The following RFWD3 variants were observed in gnomAD, a reference collection of about 807,000 sequenced individuals.
The protein encoded by RFWD3 is E3 ubiquitin-protein ligase RFWD3.
Under a neutral mutation model 87.7 loss-of-function variants are expected in RFWD3, and 65 were observed. That is an observed-to-expected ratio of 0.74 (90% confidence interval 0.61 to 0.91). The LOEUF (loss-of-function observed/expected upper bound fraction) is 0.91, where lower values mean the gene tolerates loss of function less well. Ranked by LOEUF, RFWD3 falls within the 40% of genes least tolerant of loss-of-function variation. RFWD3 has a pLI of 0.00. For missense variants in RFWD3, 1,078 were observed against 938.5 expected (o/e 1.15, Z -1.94); for synonymous variants, 433 against 352.8 (o/e 1.23, Z -2.55).
At chr16:74,659,368 C>T (rs1961250045) in intron 2 of RFWD3, among the ~76,000 whole-genome samples, 1 of 152,140 alleles carries the variant, frequency 6.6e-6, no homozygotes, top group African/African-American at 2.4e-5. Flanking sequence ...CCATAAGGTG[C>T]CTTCACCTAT....
chr16:74,656,990 TTGGTTAGTTTA>T (rs1470574232), intron 2 of RFWD3, among the ~76,000 whole-genome samples: 1 of 152,208 alleles, frequency 6.6e-6, no homozygotes, highest in Non-Finnish European at 1.5e-5. Context: ...TTCCTTCTTA[TTGGTTAGTTTA>T]TTGCTTATCC....
At chr16:74,639,469 A>G (rs1210572350) in intron 6 of RFWD3, among the ~76,000 whole-genome samples, 1 of 152,206 alleles carries the variant, frequency 6.6e-6, no homozygotes, top group East Asian at 1.9e-4. Flanking sequence ...ACGTGACTGT[A>G]AAGTAAAAGG....
chr16:74,640,810 G>A lies in RFWD3; in HGVS notation c.1080-2840C>T, dbSNP rs571396395. On this transcript the variant is annotated intron_variant, in intron 6 of 12. Transcript: ENST00000361070. ...AAAAATTAGCCAGGCGTGGTGGCGGGTGCCTGTAGTCTCAGCTACTCGTAA... is the reference window on the plus strand; with the variant it reads ...AAAAATTAGCCAGGCGTGGTGGCGGATGCCTGTAGTCTCAGCTACTCGTAA... 1.3e-3 allele frequency among the ~76,000 whole-genome samples: 197 copies of A among 152,034 alleles called. 1 individual carries two copies. Among genetic ancestry groups the A allele is most frequent in the Admixed American group, 3.0e-3 (46 of 15,272 alleles).
chr16:74,624,471 C>T (rs1319468007), intron 12 of RFWD3, among the ~76,000 whole-genome samples: 3 of 152,250 alleles, frequency 2.0e-5, no homozygotes, highest in African/African-American at 7.2e-5. Flanking sequence ...TCTTGGCTTA[C>T]TGCAACATCT....
At chr16:74,649,287 T>C in intron 3 of RFWD3, 85 bp from the exon 4 acceptor site, 1 of 927,762 alleles carries the variant, frequency 1.1e-6, no homozygotes, top group Non-Finnish European at 1.6e-6. Context: ...GGAGAGAGCC[T>C]GACTCACTAC....
intron 11 of RFWD3, 94 bp from the exon 12 acceptor site, chr16:74,626,648 T>C (rs1298220685): frequency 7.6e-6 from 7 of 925,474 alleles, no homozygotes; most frequent in East Asian, 2.6e-5. Flanking sequence ...CCTAGTTGGA[T>C]GGAAAAGCCA....
chr16:74,626,547 AT>A lies in RFWD3; in HGVS notation c.1976del (p.Asn659IlefsTer9). The A allele has an allele frequency of 6.2e-7, 1 of 1,613,798 alleles. No individual in the cohort carries two copies. The highest frequency in any genetic ancestry group is 1.7e-5 in the Admixed American group (1 of 60,006). ...HCLVTYRPDK[N>X]HTTIRSVLME... Reference sequence around the variant, plus strand: ...TCAGCACACTTCGTATGGTGGTGTGATTTTTATCTATGGGACAGAGAAATCA... The same window carrying A: ...TCAGCACACTTCGTATGGTGGTGTGATTTTATCTATGGGACAGAGAAATCA... On this transcript the variant is annotated frameshift_variant, in exon 12 of 13. Transcript: ENST00000361070. LOFTEE classifies it high-confidence loss of function.
chr16:74,655,649 T>G (rs1436036857), intron 2 of RFWD3, among the ~76,000 whole-genome samples: 2 of 151,924 alleles, frequency 1.3e-5, no homozygotes, highest in Non-Finnish European at 2.9e-5. Flanking sequence ...AGATGGAGTC[T>G]CGCTCTGTCA....
chr16:74,648,643 G>A (rs2144240858), intron 4 of RFWD3, among the ~76,000 whole-genome samples: 1 of 151,840 alleles, frequency 6.6e-6, no homozygotes, highest in East Asian at 2.0e-4. Context: ...GGGGTGGCGT[G>A]TGCCTGTAGT....
chr16:74,648,813 T>C (rs749019766), intron 4 of RFWD3, among the ~76,000 whole-genome samples: 20 of 151,644 alleles, frequency 1.3e-4, no homozygotes, highest in Non-Finnish European at 2.6e-4. Flanking sequence ...AGGTTGGGCA[T>C]GGTGGCTCAT....
chr16:74,650,409 C>A (rs1333792731), intron 3 of RFWD3, among the ~76,000 whole-genome samples: 1 of 148,784 alleles, frequency 6.7e-6, no homozygotes, highest in Admixed American at 6.8e-5. Flanking sequence ...GTATACAGTA[C>A]TTCCTAAGTG....
intron 1 of RFWD3, among the ~76,000 whole-genome samples, chr16:74,661,821 G>C (rs1220102918): frequency 6.6e-6 from 1 of 152,118 alleles, no homozygotes; most frequent in African/African-American, 2.4e-5. Flanking sequence ...AAAATCAAAT[G>C]CATATAATGC....
Position 74,661,027 on chromosome 16 carries a change from A to T in RFWD3, c.423T>A (p.Ser141=). Residue 141 remains serine, a synonymous_variant, in exon 2 of 13, where the codon TCT becomes TCA. Transcript: ENST00000361070. ...TCATTGGCCCTACACTGTGGTTTGAAGATGAAGGTCTCAGGAATTCCAGCA... is the reference window on the plus strand; with the variant it reads ...TCATTGGCCCTACACTGTGGTTTGATGATGAAGGTCTCAGGAATTCCAGCA... ...HGMLEFLRPS[S]SNHSVGPMRT... 1.2e-6 allele frequency: 2 copies of T among 1,614,188 alleles called. No homozygotes were observed. Among genetic ancestry groups the T allele is most frequent in the Non-Finnish European group, 8.5e-7 (1 of 1,180,038 alleles).
intron 6 of RFWD3, among the ~76,000 whole-genome samples, chr16:74,642,931 C>G (rs1464104444): frequency 6.6e-6 from 1 of 152,214 alleles, no homozygotes; most frequent in African/African-American, 2.4e-5. Context: ...GGAGAGTATA[C>G]TAATTCCTTA....
At chr16:74,651,891 G>T (rs750180032) in intron 3 of RFWD3, 29 bp downstream of exon 3, 2 of 1,601,578 alleles carry the variant, frequency 1.2e-6, no homozygotes, top group Admixed American at 1.7e-5. Flanking sequence ...TGTTAGCCTT[G>T]TGAGTCCAAA....
rs200985790 is a variant in RFWD3, at chr16:74,623,901, C to A, written c.*27G>T. The A allele has an allele frequency of 1.9e-6, 3 of 1,612,514 alleles. No homozygotes were observed. The highest frequency in any genetic ancestry group is 2.5e-6 in the Non-Finnish European group (3 of 1,179,026). The stretch of plus-strand genomic sequence containing the variant: ...CTAGCAAACAACATCTAACCAGCAG[C>A]ATGCCTTCAAGGTTTCGAGACCACA... On this transcript the variant is annotated 3_prime_UTR_variant, in exon 13 of 13. Transcript: ENST00000361070.
At chr16:74,630,099 ATT>A (rs573477294) in intron 10 of RFWD3, among the ~76,000 whole-genome samples, 1 of 148,242 alleles carries the variant, frequency 6.7e-6, no homozygotes, top group Admixed American at 6.8e-5. Context: ...ACATGTGGCT[ATT>A]TTTTTTTTTC....
intron 12 of RFWD3, 108 bp from the exon 13 acceptor site, chr16:74,624,179 G>A (rs1376886649): frequency 7.6e-7 from 1 of 1,313,014 alleles, no homozygotes. Flanking sequence ...AACACTACCT[G>A]GAGAGCAAAG....
chr16:74,661,253 G>A lies in RFWD3; in HGVS notation c.197C>T (p.Thr66Ile). The change falls in exon 2 of 13, where the codon ACA (threonine) becomes ATA (isoleucine). Residue 66 changes from threonine (T) to isoleucine (I), a missense_variant. Physicochemically the swap from Thr to Ile is moderately conservative, Grantham distance 89. Transcript: ENST00000361070. ...APAEVISSQA[T>I]PPLLQPAPQL... Reference sequence around the variant, plus strand: ...CGGAGCAGGCTGGAGCAGGGGTGGTGTCGCTTGGCTGCTGATCACCTCAGC... The same window carrying A: ...CGGAGCAGGCTGGAGCAGGGGTGGTATCGCTTGGCTGCTGATCACCTCAGC... The A allele has an allele frequency of 1.2e-6, 2 of 1,614,174 alleles. No homozygotes were observed. The highest frequency in any genetic ancestry group is 1.1e-5 in the South Asian group (1 of 91,090).
Sources: allele counts gnomAD v4.1 joint callset (sites outside exome capture counted in the v4.1 genomes callset), GRCh38; gene constraint gnomAD v4.1.1; transcripts MANE v1.5; gene names NCBI Gene and HGNC (gene_info 2026-07-23, HGNC 2026-07-21).